The following HOXB6 variants were observed in gnomAD, a reference collection of about 807,000 sequenced individuals.
The protein encoded by HOXB6 is homeobox protein Hox-B6.
In HOXB6, 18 loss-of-function variants were observed where a neutral mutation model predicts 24.2. That is an observed-to-expected ratio of 0.74 (90% CI 0.51 to 1.10). The LOEUF (loss-of-function observed/expected upper bound fraction) is 1.10. Ranked by LOEUF, HOXB6 falls within the 50% of genes least tolerant of loss-of-function variation. The pLI is 0.00. For missense variants in HOXB6, 332 were observed against 308.3 expected, an observed-to-expected ratio of 1.08 and a Z score of -0.58; for synonymous variants, 159 against 139.1, an observed-to-expected ratio of 1.14 and a Z score of -1.01.
At chr17:48,598,488 G>A (rs1470202072) in intron 2 of HOXB6, among the ~76,000 whole-genome samples, 1 of 151,964 alleles carries the variant, frequency 6.6e-6, no homozygotes, top group Non-Finnish European at 1.5e-5. Context: ...CACCTACGTA[G>A]GATCTGTGAA....
intron 3 of HOXB6, among the ~76,000 whole-genome samples, chr17:48,597,416 A>G (rs1345210692): frequency 2.0e-5 from 3 of 152,062 alleles, no homozygotes; most frequent in African/African-American, 7.2e-5. Flanking sequence ...TTGGGGGCTC[A>G]AAGTAAAGCC....
intron 2 of HOXB6, chr17:48,601,935 A>G (rs542788493): frequency 1.6e-5 from 6 of 377,312 alleles, no homozygotes; most frequent in African/African-American, 1.3e-4. Flanking sequence ...CGCATAGCCT[A>G]GCCCTGGCCA....
In HOXB6 at chr17:48,597,727, C is replaced by A. The variant is rs1350831323; in HGVS notation, c.415+9G>T. On this transcript the variant is annotated intron_variant, in intron 3 of 3. Transcript: ENST00000225648. ...AGCCGGGGCGACGGCGACGGGAAGT[C>A]TCACTCACTGTTGCACGAATTCATC... is the stretch of plus-strand genomic sequence containing the variant. 2 of 1,612,154 alleles carry A rather than the reference C, an allele frequency of 1.2e-6. No individual in the cohort carries two copies. Among genetic ancestry groups the A allele is most frequent in the Non-Finnish European group, 1.7e-6 (2 of 1,179,276 alleles).
In HOXB6 at chr17:48,597,818, G is replaced by A. The variant is rs2070348751; in HGVS notation, c.333C>T (p.Asp111=). Residue 111 remains aspartate (D), a synonymous_variant, in exon 3 of 4, where the codon GAC becomes GAT. Coordinates refer to ENST00000225648, the MANE Select transcript of HOXB6 (RefSeq NM_018952.5). The part of the protein sequence containing the change: ...PEPRKSDCAQ[D]KSVFGETEEQ... ...CTTCTGTCTCGCCGAACACGCTCTTGTCCTGCGCGCAGTCCGACTTCCGCG... is the reference window on the plus strand; with the variant it reads ...CTTCTGTCTCGCCGAACACGCTCTTATCCTGCGCGCAGTCCGACTTCCGCG... The A allele has an allele frequency of 1.2e-6, 2 of 1,607,890 alleles. No individual in the cohort carries two copies. The highest frequency in any genetic ancestry group is 2.7e-5 in the African/African-American group (2 of 74,888).
chr17:48,596,741 C>G lies in HOXB6; in HGVS notation c.416-69G>C. ...CCAGGACCCCCTCCCCTAGTCGACC[C>G]TCGAACACAGACTCCAGCCAGTACC... On this transcript the variant is annotated intron_variant, in intron 3 of 3. Transcript: ENST00000225648. This position sits in a 1 kb window ranked among gnomAD's most constrained non-coding sequence, Gnocchi z 4.8. 1 of 1,594,904 alleles carries G rather than the reference C, an allele frequency of 6.3e-7. No individual in the cohort carries two copies. Among genetic ancestry groups the G allele is most frequent in the Non-Finnish European group, 8.5e-7 (1 of 1,175,990 alleles).
intron 2 of HOXB6, chr17:48,602,451 C>T (rs1417508398): frequency 2.9e-6 from 1 of 345,158 alleles, no homozygotes; most frequent in Non-Finnish European, 5.7e-6. Context: ...GGCCCCTGCC[C>T]GCTGGAAGCA....
At position 48,596,783 on chromosome 17, in the gene HOXB6, T is replaced by C. The variant is rs556536681; in HGVS notation, c.416-111A>G. 2.7e-6 allele frequency: 4 copies of C among 1,508,954 alleles called. No individual in the cohort carries two copies. Among genetic ancestry groups the C allele is most frequent in the East Asian group, 2.4e-5 (1 of 42,404 alleles). 93.5% of individuals were successfully genotyped at this position (1,508,954 alleles called of 1,614,324 possible). A position where few individuals can be genotyped will look rare whatever the true frequency, so the allele number is the denominator to read the frequency against. ...GCCAGTACCGGGATGCCCTCTATTC[T>C]GCCGGCTCCCTTCCCCCGTTTCGCA... On this transcript the variant is annotated intron_variant, in intron 3 of 3. Transcript: ENST00000225648. The surrounding 1 kb of genome is among the most constrained non-coding windows in gnomAD (Gnocchi z 4.8).
chr17:48,599,776 G>A (rs1272918463), intron 2 of HOXB6, among the ~76,000 whole-genome samples: 1 of 152,176 alleles, frequency 6.6e-6, no homozygotes, highest in Non-Finnish European at 1.5e-5. Context: ...CACACCTGGG[G>A]ACAAGAAGGG....
intron 2 of HOXB6, among the ~76,000 whole-genome samples, chr17:48,600,810 T>C (rs1597878812): frequency 2.0e-5 from 3 of 152,190 alleles, no homozygotes; most frequent in Non-Finnish European, 2.9e-5. Flanking sequence ...AATTCTTGAG[T>C]ACATAACAGA....
In HOXB6 at chr17:48,596,285, C is replaced by G. The variant is rs1425388206; in HGVS notation, c.*128G>C. ...GGGCGTCCAGGAGAGCGCTGGGCCC[C>G]GCCTGTCTGCGCCGGAGAGCAGGTC... On this transcript the variant is annotated 3_prime_UTR_variant, in exon 4 of 4. Coordinates refer to ENST00000225648, the MANE Select transcript of HOXB6 (RefSeq NM_018952.5). The surrounding 1 kb of genome is among the most constrained non-coding windows in gnomAD (Gnocchi z 4.8). The G allele has an allele frequency of 1.4e-5, 20 of 1,448,326 alleles. No individual in the cohort carries two copies. Among genetic ancestry groups the G allele is most frequent in the Admixed American group, 6.7e-5 (4 of 59,466 alleles). 89.7% of individuals were successfully genotyped at this position (1,448,326 alleles called of 1,614,324 possible).
rs1261795974 is a variant in HOXB6, at chr17:48,597,844, G to A, written c.307C>T (p.Pro103Ser). The A allele has an allele frequency of 6.3e-7, 1 of 1,599,972 alleles. No homozygotes were observed. Among genetic ancestry groups the A allele is most frequent in the Non-Finnish European group, 8.5e-7 (1 of 1,172,432 alleles). ...ADEQPPFHPE[P>S]RKSDCAQDKS... ...TCCTGCGCGCAGTCCGACTTCCGCG[G>A]CTCGGGGTGGAACGGGGGCTGCTCG... The change falls in exon 3 of 4, where the codon CCG (proline) becomes TCG (serine). Residue 103 changes from proline (P) to serine (S), a missense_variant. Pro to Ser is a moderately conservative substitution (Grantham distance 74). Coordinates refer to ENST00000225648, the MANE Select transcript of HOXB6 (RefSeq NM_018952.5).
Position 48,596,290 on chromosome 17 carries a change from G to T in HOXB6, c.*123C>A. The T allele has an allele frequency of 6.8e-7, 1 of 1,478,718 alleles. No individual in the cohort carries two copies. Among genetic ancestry groups the T allele is most frequent in the Non-Finnish European group, 9.4e-7 (1 of 1,063,846 alleles). 91.6% of individuals were successfully genotyped at this position (1,478,718 alleles called of 1,614,324 possible). A position where few individuals can be genotyped will look rare whatever the true frequency, so the allele number is the denominator to read the frequency against. On this transcript the variant is annotated 3_prime_UTR_variant, in exon 4 of 4. Coordinates refer to ENST00000225648, the MANE Select transcript of HOXB6 (RefSeq NM_018952.5). This position sits in a 1 kb window ranked among gnomAD's most constrained non-coding sequence, Gnocchi z 4.8. ...TCCAGGAGAGCGCTGGGCCCCGCCT[G>T]TCTGCGCCGGAGAGCAGGTCTCCTG...
rs764432432 is a variant in HOXB6, at chr17:48,596,240, G to A, written c.*173C>T. 23 of 1,001,196 alleles carry A rather than the reference G, an allele frequency of 2.3e-5. No individual in the cohort carries two copies. The highest frequency in any genetic ancestry group is 3.3e-5 in the Non-Finnish European group (21 of 641,824). 62.0% of individuals were successfully genotyped at this position (1,001,196 alleles called of 1,614,324 possible). ...CGAGTAGTGAGGCCTCAGAGCACCC[G>A]CCGGGAGCTGTGCGGGCGGGGGCGT... On this transcript the variant is annotated 3_prime_UTR_variant, in exon 4 of 4. Transcript: ENST00000225648. The surrounding 1 kb of genome is among the most constrained non-coding windows in gnomAD (Gnocchi z 4.8).
intron 2 of HOXB6, chr17:48,602,637 G>T (rs2070496099): frequency 5.7e-6 from 1 of 174,164 alleles, no homozygotes; most frequent in African/African-American, 2.4e-5. Context: ...GAGCGTCGGT[G>T]TGGGCCCGAA....
In HOXB6 at chr17:48,596,554, C is replaced by T. The variant is rs367729544; in HGVS notation, c.534G>A (p.Glu178=). The change falls in exon 4 of 4, where the codon GAG becomes GAA. Residue 178 remains glutamate, a synonymous_variant. Coordinates refer to ENST00000225648, the MANE Select transcript of HOXB6 (RefSeq NM_018952.5). This position sits in a 1 kb window ranked among gnomAD's most constrained non-coding sequence, Gnocchi z 4.8. The part of the protein sequence containing the change: ...NRYLTRRRRI[E]IAHALCLTER... Reference sequence around the variant, plus strand: ...CCGTCAGGCACAGGGCGTGCGCGATCTCGATGCGCCGCCGCCGCGTCAGGT... The same window carrying T: ...CCGTCAGGCACAGGGCGTGCGCGATTTCGATGCGCCGCCGCCGCGTCAGGT... 3.7e-6 allele frequency: 6 copies of T among 1,614,278 alleles called. No individual in the cohort carries two copies. The highest frequency in any genetic ancestry group is 1.3e-5 in the African/African-American group (1 of 75,080).
rs2070314929 is a variant in HOXB6 at position 48,596,942 on chromosome 17, C to T, written c.416-270G>A. On this transcript the variant is annotated intron_variant, in intron 3 of 3. Coordinates refer to ENST00000225648, the MANE Select transcript of HOXB6 (RefSeq NM_018952.5). This position sits in a 1 kb window ranked among gnomAD's most constrained non-coding sequence, Gnocchi z 4.8. ...GGGGGGAGGGGCTGGTCAGGTGTGT[C>T]TCTTCCTAGTTGCATCTTGTCTTTC... 1 of 1,364,742 alleles carries T rather than the reference C, an allele frequency of 7.3e-7. No individual in the cohort carries two copies. Among genetic ancestry groups the T allele is most frequent in the African/African-American group, 1.5e-5 (1 of 68,210 alleles). The allele number at this position is 1,364,742 out of a possible 1,614,324, so 84.5% of individuals were successfully genotyped here.
chr17:48,598,110 A>G lies in HOXB6; in HGVS notation c.41T>C (p.Leu14Pro), dbSNP rs1444990273. 1.3e-6 allele frequency: 2 copies of G among 1,597,324 alleles called. No homozygotes were observed. The highest frequency in any genetic ancestry group is 1.1e-5 in the South Asian group (1 of 89,974). ...CAGGAAGGACTCCTGCCCGCTGGCC[A>G]GAGTGACGGGGAAGGTGGAGTTCAC... ...YFVNSTFPVTLASGQESFLGQ... is the reference protein window; with the variant it reads ...YFVNSTFPVTPASGQESFLGQ... The change falls in exon 3 of 4, where the codon CTG (leucine) becomes CCG (proline). Residue 14 changes from leucine (L) to proline (P), a missense_variant. Coordinates refer to ENST00000225648, the MANE Select transcript of HOXB6 (RefSeq NM_018952.5).
At chr17:48,604,445 A>G (rs531518258) in intron 2 of HOXB6, 35 bp downstream of exon 2, 2 of 152,468 alleles carry the variant, frequency 1.3e-5, no homozygotes, top group Non-Finnish European at 2.9e-5. Context: ...AAGCGATGCA[A>G]AAGAACAAGA....
rs1441615311 is a variant in HOXB6, at chr17:48,596,950, A to G, written c.416-278T>C. On this transcript the variant is annotated intron_variant, in intron 3 of 3. Transcript: ENST00000225648. The surrounding 1 kb of genome is among the most constrained non-coding windows in gnomAD (Gnocchi z 4.8). ...GGGCTGGTCAGGTGTGTCTCTTCCTAGTTGCATCTTGTCTTTCCCTCCCTT... is the reference window on the plus strand; with the variant it reads ...GGGCTGGTCAGGTGTGTCTCTTCCTGGTTGCATCTTGTCTTTCCCTCCCTT... The G allele has an allele frequency of 1.4e-5, 19 of 1,336,772 alleles. No individual in the cohort carries two copies. Among genetic ancestry groups the G allele is most frequent in the Non-Finnish European group, 1.5e-5 (16 of 1,034,356 alleles). 82.8% of individuals were successfully genotyped at this position (1,336,772 alleles called of 1,614,324 possible).
Sources: gnomAD v4.1 joint callset for allele counts (sites outside exome capture counted in the v4.1 genomes callset) on GRCh38, gnomAD v4.1.1 for gene constraint, Gnocchi (gnomAD v3.1) non-coding constraint, MANE v1.5 for transcripts, NCBI Gene and HGNC (gene_info 2026-07-23, HGNC 2026-07-21) for gene names.